Variants in UGT1A6 observed in about 807,000 individuals in gnomAD.
UGT1A6 encodes the protein UDP glucuronosyltransferase family 1 member A6, also known as UDP-glucuronosyltransferase 1A6.
In UGT1A6, 32 loss-of-function variants were observed where a neutral mutation model predicts 44.4. The ratio of observed to expected loss-of-function variants is 0.72; its 90% CI spans 0.54 to 0.97. The LOEUF is 0.97. Ranked by LOEUF, UGT1A6 falls within the 50% of genes least tolerant of loss-of-function variation. UGT1A6 has a pLI of 0.00. For missense variants in UGT1A6, 685 were observed against 661.9 expected (o/e 1.03, Z -0.38); for synonymous variants, 238 against 248.5 (o/e 0.96, Z 0.40).
rs147555582 is a variant in UGT1A6, at chr2:233,719,200, G to C, written c.861+25335G>C. ...AATGTATCTTTGGCCCTTCATAGGT[G>C]TTGTGTGGAGCTACTGCATAATGAG... is the stretch of plus-strand genomic sequence containing the variant. On this transcript the variant is annotated intron_variant, in intron 1 of 4. Coordinates refer to ENST00000305139, the MANE Select transcript of UGT1A6 (RefSeq NM_001072.4). 146 of 1,614,136 alleles carry C rather than the reference G, an allele frequency of 9.0e-5. 3 individuals carry two copies. The highest frequency in any genetic ancestry group is 3.3e-4 in the Middle Eastern group (2 of 6,062).
chr2:233,725,049 T>G (rs1559369971), intron 1 of UGT1A6, among the ~76,000 whole-genome samples: 1 of 147,424 alleles, frequency 6.8e-6, no homozygotes, highest in African/African-American at 2.5e-5. Context: ...CAGTCAGGCG[T>G]GGCGGCGCGC....
chr2:233,725,023 C>G lies in UGT1A6; in HGVS notation c.861+31158C>G, dbSNP rs559276677. Among the ~76,000 whole-genome samples the G allele has an allele frequency of 5.4e-5, 8 of 148,360 alleles. 2 individuals carry two copies. The highest frequency in any genetic ancestry group is 1.2e-4 in the Non-Finnish European group (8 of 67,378). Reference sequence around the variant, plus strand: ...ACCGGCCCGGCCAAACAGCAAAACCCGGTCTCCACCAAAACCAGTCAGGCG... The same window carrying G: ...ACCGGCCCGGCCAAACAGCAAAACCGGGTCTCCACCAAAACCAGTCAGGCG... On this transcript the variant is annotated intron_variant, in intron 1 of 4. Coordinates refer to ENST00000305139, the MANE Select transcript of UGT1A6 (RefSeq NM_001072.4).
At chr2:233,771,306 T>TTTCCCTCTCCTC (rs2126060458) in intron 4 of UGT1A6, 1 of 152,368 alleles carries the variant, frequency 6.6e-6, no homozygotes, top group South Asian at 2.1e-4. Context: ...TCCTCCTCCT[T>TTTCCCTCTCCTC]TTCCCTCTCC....
intron 1 of UGT1A6, among the ~76,000 whole-genome samples, chr2:233,722,551 G>C (rs1195630832): frequency 6.6e-6 from 1 of 152,024 alleles, no homozygotes; most frequent in Non-Finnish European, 1.5e-5. Context: ...AGTTTCTTTT[G>C]GTTGATTTGT....
At position 233,769,501 on chromosome 2, in the gene UGT1A6, A is replaced by G. The variant is rs773053251; in HGVS notation, c.1301+1062A>G. 30 of 1,612,628 alleles carry G rather than the reference A, an allele frequency of 1.9e-5. No homozygotes were observed. In the Admixed American group the frequency reaches 4.8e-4, roughly 26 times the overall value. ...TGTGCGTGTGTTTATGAGAGTGTCCATTGCTTTCTCCCATGGTTACCTCCT... is the reference window on the plus strand; with the variant it reads ...TGTGCGTGTGTTTATGAGAGTGTCCGTTGCTTTCTCCCATGGTTACCTCCT... On this transcript the variant is annotated intron_variant, in intron 4 of 4. Transcript: ENST00000305139. This position sits in a 1 kb window ranked among gnomAD's most constrained non-coding sequence, Gnocchi z 4.4.
intron 1 of UGT1A6, among the ~76,000 whole-genome samples, chr2:233,714,278 A>C (rs2076377797): frequency 6.6e-6 from 1 of 152,138 alleles, no homozygotes. Flanking sequence ...TGACGTGACA[A>C]TTTTTAGTGG....
chr2:233,691,781 C>T (rs977345614), upstream of UGT1A6: 4 of 282,536 alleles, frequency 1.4e-5, no homozygotes, highest in Non-Finnish European at 2.1e-5. Context: ...TCACCACGTA[C>T]TGGCTAGACT....
chr2:233,730,800 A>G (rs1400494303), intron 1 of UGT1A6, among the ~76,000 whole-genome samples: 1 of 152,180 alleles, frequency 6.6e-6, no homozygotes, highest in Non-Finnish European at 1.5e-5. Context: ...TGATGAATGG[A>G]CATGCGTCCA....
chr2:233,711,548 T>C (rs532543764), intron 1 of UGT1A6, among the ~76,000 whole-genome samples: 27 of 152,192 alleles, frequency 1.8e-4, no homozygotes, highest in Non-Finnish European at 3.4e-4. Context: ...CATCCTCCCC[T>C]GGAGAGTTCC....
Position 233,740,237 on chromosome 2 carries a change from A to G in UGT1A6, c.862-26797A>G, listed in dbSNP as rs6746419. ...TCAGCTGCGTCTTTATAGCAGGCTG[A>G]GAATAGACTAATACAAGATTGGTGG... On this transcript the variant is annotated intron_variant, in intron 1 of 4. Transcript: ENST00000305139. 5.0e-3 allele frequency among the ~76,000 whole-genome samples: 755 copies of G among 151,996 alleles called. 33 individuals carry two copies. Among genetic ancestry groups the G allele is most frequent in the African/African-American group, 0.017 (720 of 41,218 alleles).
intron 1 of UGT1A6, among the ~76,000 whole-genome samples, chr2:233,726,792 T>G (rs1032165047): frequency 1.3e-5 from 2 of 152,238 alleles, no homozygotes; most frequent in Admixed American, 1.3e-4. Flanking sequence ...CCACATCTTA[T>G]TCAAGGCTTG....
At chr2:233,762,334 T>A (rs2125997251) in intron 1 of UGT1A6, among the ~76,000 whole-genome samples, 1 of 152,328 alleles carries the variant, frequency 6.6e-6, no homozygotes, top group Middle Eastern at 3.4e-3. Context: ...CCACAATAGC[T>A]CTTTTTAGTT....
intron 1 of UGT1A6, among the ~76,000 whole-genome samples, chr2:233,701,256 A>T (rs2075619481): frequency 6.6e-6 from 1 of 152,150 alleles, no homozygotes; most frequent in African/African-American, 2.4e-5. Context: ...GGCTGGGTCA[A>T]ATGGTATTTC....
intron 1 of UGT1A6, among the ~76,000 whole-genome samples, chr2:233,704,712 T>C (rs2075804590): frequency 6.6e-6 from 1 of 152,184 alleles, no homozygotes; most frequent in African/African-American, 2.4e-5. Context: ...CTTAGCCCAA[T>C]TTGCCTTTGC....
rs1004907287 is a variant in UGT1A6 at position 233,772,662 on chromosome 2, T to C, written c.*103T>C. 14 of 1,540,212 alleles carry C rather than the reference T, an allele frequency of 9.1e-6. No individual in the cohort carries two copies. The highest frequency in any genetic ancestry group is 8.3e-5 in the African/African-American group (6 of 72,644). On this transcript the variant is annotated 3_prime_UTR_variant, in exon 5 of 5. Coordinates refer to ENST00000305139, the MANE Select transcript of UGT1A6 (RefSeq NM_001072.4). ...ATTCATTTTATTCTTATTAAGGAAA[T>C]ACTTTGCATAAATTAATCAGCCCCA...
chr2:233,713,998 T>A, intron 1 of UGT1A6: 1 of 1,554,968 alleles, frequency 6.4e-7, no homozygotes, highest in Admixed American at 1.9e-5. Flanking sequence ...TAGTCTTCAG[T>A]GAGATAAACT....
chr2:233,763,185 T>A (rs137981544), intron 1 of UGT1A6, among the ~76,000 whole-genome samples: 97 of 152,380 alleles, frequency 6.4e-4, no homozygotes, highest in African/African-American at 2.1e-3. Flanking sequence ...ATATTTGTTG[T>A]TGCCTTGTTT....
At position 233,769,343 on chromosome 2, in the gene UGT1A6, T is replaced by C. The variant is rs950579425; in HGVS notation, c.1301+904T>C. On this transcript the variant is annotated intron_variant, in intron 4 of 4. Coordinates refer to ENST00000305139, the MANE Select transcript of UGT1A6 (RefSeq NM_001072.4). The surrounding 1 kb of genome is among the most constrained non-coding windows in gnomAD (Gnocchi z 4.4). ...TGGTAATAGGCTTATTAGAACCTTA[T>C]GGGAAGAAGTGGTGGCCAGTGGTAG... Among the ~76,000 whole-genome samples the C allele has an allele frequency of 6.6e-6, 1 of 152,250 alleles. No individual in the cohort carries two copies. The highest frequency in any genetic ancestry group is 2.4e-5 in the African/African-American group (1 of 41,464).
At position 233,719,392 on chromosome 2, in the gene UGT1A6, C is replaced by T. The variant is rs776862495; in HGVS notation, c.861+25527C>T. The T allele has an allele frequency of 4.8e-5, 78 of 1,613,868 alleles. 1 individual carries two copies. Among genetic ancestry groups the T allele is most frequent in the Non-Finnish European group, 6.4e-5 (75 of 1,179,882 alleles). On this transcript the variant is annotated intron_variant, in intron 1 of 4. Coordinates refer to ENST00000305139, the MANE Select transcript of UGT1A6 (RefSeq NM_001072.4). Reference sequence around the variant, plus strand: ...AAGGGCACACAGTGTCCAAATCCTTCCTCCTATATTCCTAAGTTACTAACG... The same window carrying T: ...AAGGGCACACAGTGTCCAAATCCTTTCTCCTATATTCCTAAGTTACTAACG...
Sources: allele counts gnomAD v4.1 joint callset (sites outside exome capture counted in the v4.1 genomes callset), GRCh38; gene constraint gnomAD v4.1.1; non-coding constraint Gnocchi (gnomAD v3.1); transcripts MANE v1.5; gene names NCBI Gene and HGNC (gene_info 2026-07-23, HGNC 2026-07-21).